Variants in DYNC2H1 observed in about 807,000 individuals in gnomAD.
DYNC2H1 encodes the protein cytoplasmic dynein 2 heavy chain 1.
DYNC2H1 carries 410 observed loss-of-function variants against 570.0 expected under a neutral mutation model. The observed-to-expected ratio is 0.72, with a 90% confidence interval of 0.66 to 0.78. The LOEUF (loss-of-function observed/expected upper bound fraction) is 0.78, where lower values mean the gene tolerates loss of function less well. Among genes scored for constraint, DYNC2H1 ranks in the 30% least tolerant of loss-of-function variants. The pLI, the probability that DYNC2H1 is intolerant of heterozygous loss-of-function variation, is 0.00. For synonymous variants in DYNC2H1, 1,688 were observed against 1,677.6 expected (o/e 1.01, Z -0.15); for missense variants, 4,865 against 5,046.4 (o/e 0.96, Z 1.09).
chr11:103,138,541 C>T lies in DYNC2H1; in HGVS notation c.2574+2593C>T, dbSNP rs996033287. Among the ~76,000 whole-genome samples, 5 of 152,260 alleles carry T rather than the reference C, an allele frequency of 3.3e-5. No individual in the cohort carries two copies. In the South Asian group the frequency reaches 1.0e-3, roughly 32 times the overall value. Reference sequence around the variant, plus strand: ...TATTGATTTGTGTATATTGAACTAGCCTTGCATCCCAGGGATGAAGCCCAC... The same window carrying T: ...TATTGATTTGTGTATATTGAACTAGTCTTGCATCCCAGGGATGAAGCCCAC... On this transcript the variant is annotated intron_variant, in intron 17 of 88. Coordinates refer to ENST00000375735, the MANE Select transcript of DYNC2H1 (RefSeq NM_001377.3).
chr11:103,428,903 T>C (rs1943782784), intron 84 of DYNC2H1, among the ~76,000 whole-genome samples: 1 of 152,158 alleles, frequency 6.6e-6, no homozygotes. Flanking sequence ...GTGGGTTGTT[T>C]CCACCTTCCT....
intron 72 of DYNC2H1, among the ~76,000 whole-genome samples, chr11:103,282,636 A>G (rs1238879273): frequency 6.6e-6 from 1 of 152,004 alleles, no homozygotes; most frequent in Non-Finnish European, 1.5e-5. Flanking sequence ...TCCTATTTGA[A>G]TACATAATGA....
intron 50 of DYNC2H1, among the ~76,000 whole-genome samples, chr11:103,200,507 T>G (rs1399317156): frequency 6.6e-6 from 1 of 152,204 alleles, no homozygotes; most frequent in East Asian, 1.9e-4. Context: ...TTCTATTATC[T>G]GTAGGAATTT....
In DYNC2H1 at chr11:103,179,157, A is replaced by G. The variant is rs1555057881; in HGVS notation, c.6271A>G (p.Asn2091Asp). The change falls in exon 39 of 89, where the codon AAC (asparagine) becomes GAC (aspartate). Residue 2091 changes from asparagine to aspartate, a missense_variant. Coordinates refer to ENST00000375735, the MANE Select transcript of DYNC2H1 (RefSeq NM_001377.3). ...GERIQFGPNVNFVFETHDLSC... is the reference protein window; with the variant it reads ...GERIQFGPNVDFVFETHDLSC... ...AAGGATTCAGTTTGGCCCAAATGTT[A>G]ACTTTGTATTTGAAACTCATGATTT... The G allele has an allele frequency of 1.2e-6, 2 of 1,613,106 alleles. No homozygotes were observed. Among genetic ancestry groups the G allele is most frequent in the Non-Finnish European group, 1.7e-6 (2 of 1,179,296 alleles).
Position 103,211,804 on chromosome 11 carries a change from T to G in DYNC2H1, c.8555T>G (p.Leu2852Arg), listed in dbSNP as rs542830166. Residue 2852 changes from leucine to arginine, a missense_variant, in exon 54 of 89, where the codon CTA becomes CGA. By Grantham distance (102) the Leu-to-Arg change is moderately radical. Coordinates refer to ENST00000375735, the MANE Select transcript of DYNC2H1 (RefSeq NM_001377.3). ...TTTTTTCTAGTTGATCCTGATTTTC[T>G]AAAATCATTTTTATTAATCCATGAA... ...KKKNSVDPDFLKSFLLIHESC... is the reference protein window; with the variant it reads ...KKKNSVDPDFRKSFLLIHESC... 4.3e-6 allele frequency: 6 copies of G among 1,389,670 alleles called. No homozygotes were observed. In the African/African-American group the frequency reaches 7.3e-5, roughly 17 times the overall value. 86.1% of individuals were successfully genotyped at this position (1,389,670 alleles called of 1,614,324 possible).
At chr11:103,426,681 C>T (rs996231619) in intron 84 of DYNC2H1, among the ~76,000 whole-genome samples, 12 of 152,226 alleles carry the variant, frequency 7.9e-5, no homozygotes, top group African/African-American at 2.4e-4. Flanking sequence ...TGATTGTTAT[C>T]TAGTTTGTGC....
rs1362856387 is a variant in DYNC2H1 at position 103,205,616 on chromosome 11, T to A, written c.8454+652T>A. 6.6e-6 allele frequency among the ~76,000 whole-genome samples: 1 copy of A among 152,170 alleles called. No individual in the cohort carries two copies. The highest frequency in any genetic ancestry group is 1.5e-5 in the Non-Finnish European group (1 of 68,026). ...AGGCCACGTGAATAAGAGGCATTCA[T>A]TAAGAAGTAATTATTGGGTGCTTAG... On this transcript the variant is annotated intron_variant, in intron 52 of 88. Transcript: ENST00000375735. The surrounding 1 kb of genome is among the most constrained non-coding windows in gnomAD (Gnocchi z 4.5).
intron 14 of DYNC2H1, among the ~76,000 whole-genome samples, 169 bp from the exon 15 acceptor site, chr11:103,134,152 G>A (rs1859415917): frequency 6.6e-6 from 1 of 152,170 alleles, no homozygotes; most frequent in Non-Finnish European, 1.5e-5. Context: ...GAATAGCACA[G>A]AAGTGATGTT....
rs1200707897 is a variant in DYNC2H1, at chr11:103,334,374, A to G, written c.12039+10384A>G. Among the ~76,000 whole-genome samples the G allele has an allele frequency of 6.6e-6, 1 of 152,170 alleles. No homozygotes were observed. Among genetic ancestry groups the G allele is most frequent in the Non-Finnish European group, 1.5e-5 (1 of 68,006 alleles). On this transcript the variant is annotated intron_variant, in intron 82 of 88. Coordinates refer to ENST00000375735, the MANE Select transcript of DYNC2H1 (RefSeq NM_001377.3). This position sits in a 1 kb window ranked among gnomAD's most constrained non-coding sequence, Gnocchi z 4.3. Reference sequence around the variant, plus strand: ...GTAGAACAGAATTTGGCTACAAGGAATATCTGTTGTAAATCAATTATAAAT... The same window carrying G: ...GTAGAACAGAATTTGGCTACAAGGAGTATCTGTTGTAAATCAATTATAAAT...
At chr11:103,136,202 ATTTTTAT>A (rs1353019734) in intron 17 of DYNC2H1, among the ~76,000 whole-genome samples, 53 of 148,644 alleles carry the variant, frequency 3.6e-4, no homozygotes, top group East Asian at 5.9e-4. Context: ...TTGGTTTTTT[ATTTTTAT>A]TTTTTATTTT....
chr11:103,281,470 T>C (rs1279690930), intron 71 of DYNC2H1, among the ~76,000 whole-genome samples: 4 of 152,078 alleles, frequency 2.6e-5, no homozygotes, highest in Non-Finnish European at 5.9e-5. Flanking sequence ...TTTTACTTAT[T>C]TGTGGCTGCA....
chr11:103,186,256 A>G lies in DYNC2H1; in HGVS notation c.6648A>G (p.Ala2216=), dbSNP rs1224663916. 6 of 1,610,648 alleles carry G rather than the reference A, an allele frequency of 3.7e-6. No individual in the cohort carries two copies. The highest frequency in any genetic ancestry group is 4.2e-6 in the Non-Finnish European group (5 of 1,177,852). ...TTCCTCTTAAGGTTTTTCATTGGGC[A>G]CGAGAATCTCCTCCAGACTTTCACA... ...LEFTKEVFHW[A]RESPPDFHKP... The change falls in exon 42 of 89, where the codon GCA becomes GCG. Residue 2216 remains alanine, a synonymous_variant. Coordinates refer to ENST00000375735, the MANE Select transcript of DYNC2H1 (RefSeq NM_001377.3). This position sits in a 1 kb window ranked among gnomAD's most constrained non-coding sequence, Gnocchi z 4.5.
rs1864491854 is a variant in DYNC2H1, at chr11:103,243,307, A to AG, written c.9820-386_9820-385insG. On this transcript the variant is annotated intron_variant, in intron 63 of 88. Transcript: ENST00000375735. This position sits in a 1 kb window ranked among gnomAD's most constrained non-coding sequence, Gnocchi z 4.8. ...TAGATAGATAGATAGATAGATAGAT[A>AG]AATAGAGAATAATTTGACTGTGTAT... Among the ~76,000 whole-genome samples, 1 of 55,138 alleles carries AG rather than the reference A, an allele frequency of 1.8e-5. No homozygotes were observed. Among genetic ancestry groups the AG allele is most frequent in the African/African-American group, 8.7e-5 (1 of 11,504 alleles). 36.2% of individuals were successfully genotyped at this position (55,138 alleles called of 152,430 possible).
At chr11:103,301,508 T>C (rs943479635) in intron 75 of DYNC2H1, among the ~76,000 whole-genome samples, 5 of 151,980 alleles carry the variant, frequency 3.3e-5, no homozygotes, top group Admixed American at 6.6e-5. Flanking sequence ...GTAAGAATTC[T>C]TTATTGCTAA....
At chr11:103,432,246 A>C (rs983103115) in intron 84 of DYNC2H1, among the ~76,000 whole-genome samples, 1 of 152,140 alleles carries the variant, frequency 6.6e-6, no homozygotes, top group African/African-American at 2.4e-5. Context: ...CAAAACAACG[A>C]TTTTTGGTTA....
chr11:103,370,601 C>A (rs1436786336), intron 83 of DYNC2H1, among the ~76,000 whole-genome samples: 4 of 152,336 alleles, frequency 2.6e-5, no homozygotes, highest in Admixed American at 2.6e-4. Flanking sequence ...ACACCACCCC[C>A]AGCTCCAGGT....
chr11:103,438,119 ACCTTTCATCCTTCC>A (rs1944127848), intron 85 of DYNC2H1, among the ~76,000 whole-genome samples: 1 of 152,076 alleles, frequency 6.6e-6, no homozygotes, highest in Admixed American at 6.6e-5. Context: ...ACCATAGCTT[ACCTTTCATCCTTCC>A]AACCAGGGAA....
At chr11:103,142,029 C>A (rs1202152987) in intron 17 of DYNC2H1, among the ~76,000 whole-genome samples, 2 of 152,204 alleles carry the variant, frequency 1.3e-5, no homozygotes, top group African/African-American at 4.8e-5. Context: ...AGGATATAAT[C>A]TCCTGGTGTG....
Position 103,252,870 on chromosome 11 carries a change from GT to G in DYNC2H1, c.10043-411del, listed in dbSNP as rs1565433337. Among the ~76,000 whole-genome samples the G allele has an allele frequency of 6.6e-6, 1 of 151,806 alleles. No homozygotes were observed. Among genetic ancestry groups the G allele is most frequent in the African/African-American group, 2.4e-5 (1 of 41,316 alleles). Reference sequence around the variant, plus strand: ...AATCTGTTTTTTTAACCATCATTCTGTTTTCAAATACTGTATCTTAAATACT... The same window carrying G: ...AATCTGTTTTTTTAACCATCATTCTGTTTCAAATACTGTATCTTAAATACT... On this transcript the variant is annotated intron_variant, in intron 65 of 88. Coordinates refer to ENST00000375735, the MANE Select transcript of DYNC2H1 (RefSeq NM_001377.3). The surrounding 1 kb of genome is among the most constrained non-coding windows in gnomAD (Gnocchi z 4.6).
Sources: gnomAD v4.1 joint callset for allele counts (sites outside exome capture counted in the v4.1 genomes callset) on GRCh38, gnomAD v4.1.1 for gene constraint, Gnocchi (gnomAD v3.1) non-coding constraint, MANE v1.5 for transcripts, NCBI Gene and HGNC (gene_info 2026-07-23, HGNC 2026-07-21) for gene names.